Variants in ANKRD11 observed in about 807,000 individuals in gnomAD.
The protein encoded by ANKRD11 is ankyrin repeat domain 11, also known as ankyrin repeat domain-containing protein 11.
A neutral mutation model predicts 195.7 loss-of-function variants in ANKRD11; 17 were observed. That is an observed-to-expected ratio of 0.09 (90% CI 0.06 to 0.13). ANKRD11 has a LOEUF of 0.13. Among genes scored for constraint, ANKRD11 ranks in the 10% least tolerant of loss-of-function variants. The pLI, the probability that ANKRD11 is intolerant of heterozygous loss-of-function variation, is 1.00. For synonymous variants in ANKRD11, 1,953 were observed against 1,528.1 expected (o/e 1.28, Z -6.49); for missense variants, 3,735 against 3,566.1 (o/e 1.05, Z -1.21).
chr16:89,304,756 A>C (rs933727245), intron 4 of ANKRD11, among the ~76,000 whole-genome samples: 2 of 151,964 alleles, frequency 1.3e-5, no homozygotes, highest in African/African-American at 2.4e-5. Flanking sequence ...GCAGCCTCAG[A>C]CCCCGCCTGT....
At position 89,281,562 on chromosome 16, in the gene ANKRD11, A is replaced by C. The variant is rs765765688; in HGVS notation, c.4980T>G (p.Ile1660Met). ...GTAGCTTATTTTCCGCGGCAGGTGG[A>C]ATAGGAGTCGACTCTTTGAGCTTTT... ...KDKKLKESTP[I>M]PPAAENKLHP... is the part of the protein sequence containing the mutation. Residue 1660 changes from isoleucine (I) to methionine (M), a missense_variant, in exon 9 of 13, where the codon ATT becomes ATG. Coordinates refer to ENST00000301030, the MANE Select transcript of ANKRD11 (RefSeq NM_013275.6). The surrounding 1 kb of genome is among the most constrained non-coding windows in gnomAD (Gnocchi z 5.5). 2 of 1,614,172 alleles carry C rather than the reference A, an allele frequency of 1.2e-6. No individual in the cohort carries two copies. The highest frequency in any genetic ancestry group is 2.2e-5 in the East Asian group (1 of 44,864).
At chr16:89,466,675 A>G (rs1166346111) in intron 1 of ANKRD11, among the ~76,000 whole-genome samples, 1 of 152,266 alleles carries the variant, frequency 6.6e-6, no homozygotes, top group African/African-American at 2.4e-5. Flanking sequence ...AAACCAACAT[A>G]GAATTGAAAC....
At chr16:89,343,597 C>G (rs2038797803) in intron 2 of ANKRD11, 1 of 152,224 alleles carries the variant, frequency 6.6e-6, no homozygotes, top group South Asian at 2.1e-4. Context: ...CAGAATTCAC[C>G]TCGTTCAGAA....
At chr16:89,326,413 T>G (rs2037723801) in intron 2 of ANKRD11, among the ~76,000 whole-genome samples, 2 of 137,968 alleles carry the variant, frequency 1.4e-5, no homozygotes, top group Non-Finnish European at 3.1e-5. Flanking sequence ...TGCACACCAC[T>G]CAGCAACCAC....
intron 2 of ANKRD11, among the ~76,000 whole-genome samples, chr16:89,345,473 G>A (rs1013532189): frequency 6.6e-6 from 1 of 152,184 alleles, no homozygotes; most frequent in Non-Finnish European, 1.5e-5. Flanking sequence ...GAAGGACGAA[G>A]CCCCAAGCAC....
At chr16:89,426,628 G>A (rs1182050479) in intron 1 of ANKRD11, among the ~76,000 whole-genome samples, 2 of 151,316 alleles carry the variant, frequency 1.3e-5, no homozygotes, top group African/African-American at 4.9e-5. Context: ...TAAATCAGGC[G>A]CATATAGATG....
intron 1 of ANKRD11, among the ~76,000 whole-genome samples, chr16:89,461,371 G>A (rs1045491896): frequency 2.6e-5 from 4 of 152,046 alleles, no homozygotes; most frequent in Admixed American, 6.5e-5. Flanking sequence ...GCTTTGCACC[G>A]TGTGAATCTA....
At chr16:89,482,259 GC>G (rs1367859040) in intron 1 of ANKRD11, among the ~76,000 whole-genome samples, 4 of 152,170 alleles carry the variant, frequency 2.6e-5, no homozygotes, top group African/African-American at 9.7e-5. Context: ...ATTTGGAAAA[GC>G]AGTCAGGTGA....
At chr16:89,365,873 T>C (rs1392646526) in intron 2 of ANKRD11, among the ~76,000 whole-genome samples, 1 of 151,970 alleles carries the variant, frequency 6.6e-6, no homozygotes, top group African/African-American at 2.4e-5. Flanking sequence ...CCCCCAACCC[T>C]CAAGCAGACC....
At chr16:89,489,843 C>G (rs2057756819) in intron 1 of ANKRD11, among the ~76,000 whole-genome samples, 1 of 144,862 alleles carries the variant, frequency 6.9e-6, no homozygotes, top group Non-Finnish European at 1.5e-5. Flanking sequence ...GGCCCCCAGG[C>G]CCGCCCCGGA....
intron 4 of ANKRD11, 158 bp downstream of exon 4, chr16:89,305,038 ATGTGGGGGCC>A: frequency 1.9e-6 from 2 of 1,036,730 alleles, no homozygotes; most frequent in Non-Finnish European, 2.8e-6. Context: ...AGGAGGTGGC[ATGTGGGGGCC>A]TGTGCTCCGC....
chr16:89,353,350 A>AAGAGAG (rs112221236), intron 2 of ANKRD11, among the ~76,000 whole-genome samples: 12 of 149,554 alleles, frequency 8.0e-5, no homozygotes, highest in African/African-American at 2.7e-4. Context: ...TCCAAAAAAA[A>AAGAGAG]AGAGAGAGAG....
chr16:89,375,939 T>A (rs2040405868), intron 2 of ANKRD11, among the ~76,000 whole-genome samples: 1 of 152,152 alleles, frequency 6.6e-6, no homozygotes, highest in Non-Finnish European at 1.5e-5. Context: ...TAGGAAAAGC[T>A]AAACTTGCGT....
At chr16:89,357,567 C>T (rs2039541030) in intron 2 of ANKRD11, among the ~76,000 whole-genome samples, 2 of 152,208 alleles carry the variant, frequency 1.3e-5, no homozygotes, top group South Asian at 4.1e-4. Context: ...GACAGTTGTA[C>T]TTCGACGTTC....
chr16:89,478,514 G>C (rs1251027314), intron 1 of ANKRD11, among the ~76,000 whole-genome samples: 1 of 152,130 alleles, frequency 6.6e-6, no homozygotes, highest in Non-Finnish European at 1.5e-5. Context: ...AAGGTCTCAA[G>C]GACCCACTGC....
intron 4 of ANKRD11, chr16:89,298,832 T>A (rs141321585): frequency 1.1e-3 from 164 of 152,352 alleles, no homozygotes; most frequent in African/African-American, 3.6e-3. Flanking sequence ...GAAAAATGGT[T>A]GAGAAATAGG....
At position 89,282,062 on chromosome 16, in the gene ANKRD11, G is replaced by A. The variant is rs758824643; in HGVS notation, c.4480C>T (p.Arg1494Trp). 5.0e-6 allele frequency: 8 copies of A among 1,611,922 alleles called. No individual in the cohort carries two copies. In the South Asian group the frequency reaches 6.6e-5, roughly 13 times the overall value. The change falls in exon 9 of 13, where the codon CGG becomes TGG. Residue 1494 changes from arginine to tryptophan, a missense_variant. Transcript: ENST00000301030. The stretch of plus-strand genomic sequence containing the variant: ...GGCTTCTGCTCGTCCCTGTGATGCC[G>A]CAGGAGCTCGTCCCTGTGATGCCGC... Reference protein sequence around the residue: ...LLRHHRDELLRHHRDEQKPAT... With the variant: ...LLRHHRDELLWHHRDEQKPAT...
intron 2 of ANKRD11, among the ~76,000 whole-genome samples, chr16:89,329,680 G>C (rs1366978566): frequency 1.3e-5 from 2 of 152,164 alleles, no homozygotes; most frequent in African/African-American, 2.4e-5. Context: ...ACCTTGTTTT[G>C]TGTATTTGGC....
chr16:89,375,768 T>A (rs1230599267), intron 2 of ANKRD11, among the ~76,000 whole-genome samples: 14 of 84,560 alleles, frequency 1.7e-4, no homozygotes, highest in African/African-American at 5.6e-4. Flanking sequence ...CTCCGTCTCT[T>A]AAAAAAAAAA....
Sources: allele counts gnomAD v4.1 joint callset (sites outside exome capture counted in the v4.1 genomes callset), GRCh38; gene constraint gnomAD v4.1.1; non-coding constraint Gnocchi (gnomAD v3.1); transcripts MANE v1.5; gene names NCBI Gene and HGNC (gene_info 2026-07-23, HGNC 2026-07-21).